The following DDC variants were observed in gnomAD, a reference collection of about 807,000 sequenced individuals.
DDC encodes the protein dopa decarboxylase, also known as aromatic-L-amino-acid decarboxylase.
DDC carries 43 observed loss-of-function variants against 60.0 expected under a neutral mutation model. The ratio of observed to expected loss-of-function variants is 0.72; its 90% CI spans 0.56 to 0.92. The LOEUF is 0.92. DDC is among the 40% of genes least tolerant of loss of function. DDC has a pLI of 0.00. For synonymous variants in DDC, 232 were observed against 234.6 expected (o/e 0.99, Z 0.10); for missense variants, 573 against 620.2 (o/e 0.92, Z 0.81).
At chr7:50,493,201 T>C (rs538548455) in intron 9 of DDC, among the ~76,000 whole-genome samples, 4 of 152,172 alleles carry the variant, frequency 2.6e-5, no homozygotes, top group Admixed American at 2.6e-4. Context: ...GTTAGGGACT[T>C]AGAAGGGAGC....
At chr7:50,503,473 A>G (rs2043307132) in intron 7 of DDC, among the ~76,000 whole-genome samples, 1 of 152,254 alleles carries the variant, frequency 6.6e-6, no homozygotes, top group Admixed American at 6.5e-5. Flanking sequence ...GAGAGTGACC[A>G]GGAAAACATC....
intron 6 of DDC, among the ~76,000 whole-genome samples, chr7:50,508,180 G>A (rs1055340853): frequency 1.1e-4 from 16 of 152,220 alleles, no homozygotes; most frequent in East Asian, 3.8e-4. Flanking sequence ...GCTTGTCTAC[G>A]TGGGGCTGAG....
chr7:50,537,540 C>G (rs1340260253), intron 4 of DDC, among the ~76,000 whole-genome samples: 2 of 152,220 alleles, frequency 1.3e-5, no homozygotes, highest in African/African-American at 4.8e-5. Flanking sequence ...CGATGGGGAA[C>G]CCCACACAAA....
chr7:50,520,869 G>T (rs545174881), intron 6 of DDC, among the ~76,000 whole-genome samples: 1 of 151,898 alleles, frequency 6.6e-6, no homozygotes, highest in Non-Finnish European at 1.5e-5. Flanking sequence ...CTGCATTCCA[G>T]CCTAGGCAAC....
chr7:50,539,829 A>C (rs1245048887), intron 3 of DDC, 86 bp downstream of exon 3: 2 of 968,748 alleles, frequency 2.1e-6, no homozygotes, highest in African/African-American at 3.2e-5. Context: ...CCATCTGCTC[A>C]GGTCCCTTGT....
intron 4 of DDC, among the ~76,000 whole-genome samples, chr7:50,534,241 C>A (rs1457358067): frequency 6.6e-6 from 1 of 152,192 alleles, no homozygotes; most frequent in Non-Finnish European, 1.5e-5. Flanking sequence ...GCTATTCTGC[C>A]ATGGAGCTTT....
intron 9 of DDC, among the ~76,000 whole-genome samples, chr7:50,493,789 G>A (rs961219848): frequency 6.6e-6 from 1 of 150,704 alleles, no homozygotes; most frequent in Non-Finnish European, 1.5e-5. Context: ...TTGTATACAA[G>A]TAAAGGACTA....
chr7:50,458,898 GTCCCTCTCCCTCTCCCTC>G (rs966392429), intron 14 of DDC, 55 bp from the exon 15 acceptor site: 1 of 149,082 alleles, frequency 6.7e-6, no homozygotes, highest in African/African-American at 2.6e-5. Context: ...AAATAAAGAA[GTCCCTCTCCCTCTCCCTC>G]TCCCTCTCCC....
chr7:50,469,115 A>AT lies in DDC; in HGVS notation c.1140+957dup, dbSNP rs1265307024. Among the ~76,000 whole-genome samples, 133 of 104,866 alleles carry AT rather than the reference A, an allele frequency of 1.3e-3. 1 individual carries two copies. Among genetic ancestry groups the AT allele is most frequent in the Admixed American group, 3.4e-3 (30 of 8,948 alleles). 68.8% of individuals were successfully genotyped at this position (104,866 alleles called of 152,430 possible). A position where few individuals can be genotyped will look rare whatever the true frequency, so the allele number is the denominator to read the frequency against. ...CCACCATGCCTGGCTAATTTTTTGT[A>AT]TTTTTTTTTTAGTAGAGACAAGGTT... On this transcript the variant is annotated intron_variant, in intron 12 of 14. Coordinates refer to ENST00000444124, the MANE Select transcript of DDC (RefSeq NM_001082971.2).
chr7:50,512,172 A>T (rs953753099), intron 6 of DDC, among the ~76,000 whole-genome samples: 23 of 152,242 alleles, frequency 1.5e-4, no homozygotes, highest in Admixed American at 2.6e-4. Context: ...GTCAAGATAC[A>T]GATTAAAGGT....
chr7:50,498,982 G>T (rs1403403503), intron 8 of DDC, among the ~76,000 whole-genome samples, 166 bp downstream of exon 8: 1 of 152,194 alleles, frequency 6.6e-6, no homozygotes, highest in Non-Finnish European at 1.5e-5. Context: ...TGTATGGCTG[G>T]GGAAGGCTCT....
intron 1 of DDC, among the ~76,000 whole-genome samples, chr7:50,553,890 A>G (rs10499696): frequency 0.11 from 16,758 of 152,240 alleles, 995 homozygotes; most frequent in Middle Eastern, 0.14. Flanking sequence ...TCTAGCCATG[A>G]GAGCTTTTTA....
intron 8 of DDC, 55 bp downstream of exon 8, chr7:50,499,093 G>A: frequency 7.6e-7 from 1 of 1,323,890 alleles, no homozygotes; most frequent in Non-Finnish European, 1.1e-6. Flanking sequence ...GAAGGGAGAG[G>A]TCAATAACAG....
intron 14 of DDC, among the ~76,000 whole-genome samples, chr7:50,459,114 G>A (rs894783643): frequency 1.3e-5 from 2 of 152,332 alleles, no homozygotes; most frequent in African/African-American, 4.8e-5. Flanking sequence ...GCACCACCAC[G>A]CCTGACTGGT....
At chr7:50,551,287 G>GTGGTGT (rs532873811) in intron 1 of DDC, among the ~76,000 whole-genome samples, 2 of 149,410 alleles carry the variant, frequency 1.3e-5, no homozygotes, top group East Asian at 3.9e-4. Flanking sequence ...CTGGAGTGCA[G>GTGGTGT]TGGTGTGATC....
chr7:50,537,512 C>T (rs2044457211), intron 4 of DDC, among the ~76,000 whole-genome samples: 2 of 152,226 alleles, frequency 1.3e-5, no homozygotes, highest in Admixed American at 6.5e-5. Context: ...CTGGAAAATG[C>T]TTAGGCACAG....
intron 6 of DDC, among the ~76,000 whole-genome samples, chr7:50,519,075 G>A (rs542878993): frequency 6.6e-6 from 1 of 152,258 alleles, no homozygotes; most frequent in East Asian, 1.9e-4. Context: ...CAAAAACTGG[G>A]CTAAGGACAT....
chr7:50,478,360 A>G (rs1290468370), intron 10 of DDC, among the ~76,000 whole-genome samples: 1 of 152,248 alleles, frequency 6.6e-6, no homozygotes, highest in Non-Finnish European at 1.5e-5. Flanking sequence ...AGTTAATTAA[A>G]ACTAAAGGAA....
chr7:50,493,817 A>T (rs1346794414), intron 9 of DDC, among the ~76,000 whole-genome samples: 2 of 36,102 alleles, frequency 5.5e-5, no homozygotes, highest in African/African-American at 2.3e-4. Context: ...GGTTAGCCTT[A>T]AAAAAAAAAA....
Sources: gnomAD v4.1 joint callset for allele counts (sites outside exome capture counted in the v4.1 genomes callset) on GRCh38, gnomAD v4.1.1 for gene constraint, MANE v1.5 for transcripts, NCBI Gene and HGNC (gene_info 2026-07-23, HGNC 2026-07-21) for gene names.